INTS6L: variants seen among roughly 807,000 people sequenced by gnomAD.
The protein encoded by INTS6L is integrator complex subunit 6-like.
INTS6L carries 18 observed loss-of-function variants against 64.7 expected under a neutral mutation model. That is an observed-to-expected ratio of 0.28 (90% CI 0.19 to 0.41). INTS6L has a LOEUF of 0.41. Ranked by LOEUF, INTS6L falls within the 10% of genes least tolerant of loss-of-function variation. The pLI, the probability that INTS6L is intolerant of heterozygous loss-of-function variation, is 1.00. For missense variants in INTS6L, 533 were observed against 661.0 expected, an observed-to-expected ratio of 0.81 and a Z score of 2.12; for synonymous variants, 227 against 235.9, an observed-to-expected ratio of 0.96 and a Z score of 0.34.
intron 9 of INTS6L, among the ~76,000 whole-genome samples, chrX:135,565,434 C>T (rs1333327308): frequency 9.0e-6 from 1 of 111,670 alleles, no homozygotes; most frequent in Non-Finnish European, 1.9e-5. Flanking sequence ...GGTGCCCTTC[C>T]CCAAACTCCT....
At position 135,549,715 on chromosome X, in the gene INTS6L, T is replaced by C. The variant is rs371714792; in HGVS notation, c.816T>C (p.Ile272=). ...CATGGCATAGTTGTCATAAACTCATTTATGTACGACCTAACTCTAAAACTG... is the reference window on the plus strand; with the variant it reads ...CATGGCATAGTTGTCATAAACTCATCTATGTACGACCTAACTCTAAAACTG... The part of the protein sequence containing the change: ...AQPWHSCHKL[I]YVRPNSKTGV... Residue 272 remains isoleucine (I), a synonymous_variant, in exon 7 of 18, where the codon ATT becomes ATC. Transcript: ENST00000639893. 9 of 1,210,651 alleles carry C rather than the reference T, an allele frequency of 7.4e-6. No homozygotes were observed. In the East Asian group the frequency reaches 8.9e-5, roughly 12 times the overall value.
chrX:135,530,254 G>T (rs1240871402), intron 2 of INTS6L, among the ~76,000 whole-genome samples: 1 of 111,955 alleles, frequency 8.9e-6, no homozygotes, highest in Non-Finnish European at 1.9e-5. Context: ...GAGTATTGTG[G>T]TGCATATGTT....
intron 8 of INTS6L, among the ~76,000 whole-genome samples, chrX:135,552,686 T>C (rs1164175950): frequency 1.8e-5 from 2 of 112,540 alleles, no homozygotes; most frequent in Non-Finnish European, 3.8e-5. Flanking sequence ...ATATCTATCA[T>C]ACACTGGCTC....
intron 2 of INTS6L, among the ~76,000 whole-genome samples, chrX:135,528,591 A>G (rs1453617699): frequency 8.9e-6 from 1 of 111,786 alleles, no homozygotes; most frequent in East Asian, 2.8e-4. Context: ...GTTATTGAGC[A>G]CTTGAAAGGT....
In INTS6L at chrX:135,576,107, A is replaced by G. The variant is rs562666233; in HGVS notation, c.1884+881A>G. ...ACTGGGAGGCCGAGGCAGGCAAATC[A>G]CTTGAGGTTGGGAGTTTGAGACCAG... On this transcript the variant is annotated intron_variant, in intron 14 of 17. Coordinates refer to ENST00000639893, the MANE Select transcript of INTS6L (RefSeq NM_001351601.3). 8.1e-4 allele frequency among the ~76,000 whole-genome samples: 90 copies of G among 111,360 alleles called. No individual in the cohort carries two copies. In the South Asian group the frequency reaches 0.018, roughly 22 times the overall value.
intron 12 of INTS6L, 115 bp from the exon 13 acceptor site, chrX:135,573,824 G>A (rs1395340725): frequency 3.5e-6 from 3 of 851,105 alleles, no homozygotes; most frequent in East Asian, 3.7e-5. Flanking sequence ...AAATTCTACT[G>A]TAGTCAGTTG....
chrX:135,563,307 C>A (rs1276203960), intron 9 of INTS6L, among the ~76,000 whole-genome samples: 6 of 110,514 alleles, frequency 5.4e-5, no homozygotes, highest in African/African-American at 2.0e-4. Flanking sequence ...ATTTTATGTA[C>A]AATTAGAAAT....
At chrX:135,574,612 A>C (rs1345957478) in intron 13 of INTS6L, among the ~76,000 whole-genome samples, 1 of 112,406 alleles carries the variant, frequency 8.9e-6, no homozygotes, top group African/African-American at 3.2e-5. Flanking sequence ...AAATGAGCAA[A>C]TCTTATTCTG....
intron 6 of INTS6L, among the ~76,000 whole-genome samples, chrX:135,548,826 A>G (rs984549269): frequency 8.9e-6 from 1 of 112,416 alleles, no homozygotes; most frequent in Non-Finnish European, 1.9e-5. Context: ...TCATTAAAGC[A>G]TATCTTTTAC....
At chrX:135,550,684 CTTTTAGGCT>C (rs2086479805) in intron 7 of INTS6L, among the ~76,000 whole-genome samples, 1 of 111,636 alleles carries the variant, frequency 9.0e-6, no homozygotes, top group Non-Finnish European at 1.9e-5. Context: ...TGGATTACTG[CTTTTAGGCT>C]TCTGCCCTTT....
rs782040426 is a variant in INTS6L at position 135,545,493 on chromosome X, C to T, written c.260C>T (p.Thr87Ile). The T allele has an allele frequency of 1.7e-6, 2 of 1,210,525 alleles. No homozygotes were observed. The highest frequency in any genetic ancestry group is 2.2e-6 in the Non-Finnish European group (2 of 894,944). ...AATCTTCAGGCTTCTGGACTGACTA[C>T]TCTCGGTCAGGCTCTAAGATCCTCA... Reference protein sequence around the residue: ...LKNLQASGLTTLGQALRSSFD... With the variant: ...LKNLQASGLTILGQALRSSFD... The change falls in exon 3 of 18, where the codon ACT becomes ATT. Residue 87 changes from threonine to isoleucine, a missense_variant. Thr to Ile is a moderately conservative substitution (Grantham distance 89, BLOSUM62 -1). Coordinates refer to ENST00000639893, the MANE Select transcript of INTS6L (RefSeq NM_001351601.3).
chrX:135,572,778 A>C (rs782685748), intron 11 of INTS6L, 37 bp from the exon 12 acceptor site: 1 of 1,102,971 alleles, frequency 9.1e-7, no homozygotes, highest in South Asian at 2.0e-5. Context: ...GTGGTAATGT[A>C]GATGTTTTTA....
intron 7 of INTS6L, among the ~76,000 whole-genome samples, chrX:135,551,063 C>G (rs1191133852): frequency 8.9e-6 from 1 of 112,262 alleles, no homozygotes; most frequent in Admixed American, 9.4e-5. Flanking sequence ...CATTTAAGAG[C>G]TATTTTTCTC....
intron 2 of INTS6L, among the ~76,000 whole-genome samples, chrX:135,531,373 C>T (rs1226213473): frequency 8.9e-6 from 1 of 112,417 alleles, no homozygotes; most frequent in East Asian, 2.8e-4. Flanking sequence ...CAGCTTCTCA[C>T]TCAGGCATCT....
Position 135,569,445 on chromosome X carries a change from T to C in INTS6L, c.1287+14T>C. On this transcript the variant is annotated intron_variant, in intron 10 of 17. Coordinates refer to ENST00000639893, the MANE Select transcript of INTS6L (RefSeq NM_001351601.3). The stretch of plus-strand genomic sequence containing the variant: ...TACTACCTATTAGTATGTATTTGTG[T>C]GTATATATGTATTAACTGTATCAAT... The C allele has an allele frequency of 1.0e-6, 1 of 981,294 alleles. No homozygotes were observed. Among genetic ancestry groups the C allele is most frequent in the East Asian group, 3.4e-5 (1 of 29,576 alleles). The allele number at this position is 981,294 out of a possible 1,213,427, so 80.9% of individuals were successfully genotyped here. A position where few individuals can be genotyped will look rare whatever the true frequency, so the allele number is the denominator to read the frequency against.
At chrX:135,536,663 T>TA (rs1167239332) in intron 2 of INTS6L, among the ~76,000 whole-genome samples, 3 of 110,667 alleles carry the variant, frequency 2.7e-5, no homozygotes, top group Non-Finnish European at 3.8e-5. Flanking sequence ...CTTCTCTATT[T>TA]AAAAAAAATA....
chrX:135,556,157 G>A lies in INTS6L; in HGVS notation c.1060-11G>A, dbSNP rs2086643990. 8.6e-7 allele frequency: 1 copy of A among 1,166,760 alleles called. No individual in the cohort carries two copies. Among genetic ancestry groups the A allele is most frequent in the Non-Finnish European group, 1.1e-6 (1 of 876,581 alleles). Reference sequence around the variant, plus strand: ...TTGTCATCACTGTGCATTACTTCATGTTATTCTCAGGTATTTGTTACTAGC... The same window carrying A: ...TTGTCATCACTGTGCATTACTTCATATTATTCTCAGGTATTTGTTACTAGC... On this transcript the variant is annotated splice_polypyrimidine_tract_variant and intron_variant, in intron 8 of 17. Transcript: ENST00000639893.
intron 2 of INTS6L, among the ~76,000 whole-genome samples, chrX:135,539,411 T>A (rs1197900616): frequency 8.9e-6 from 1 of 112,112 alleles, no homozygotes; most frequent in Non-Finnish European, 1.9e-5. Flanking sequence ...TTCCATCAAC[T>A]CTAGGAAGAG....
intron 9 of INTS6L, among the ~76,000 whole-genome samples, chrX:135,562,464 A>AT (rs1556522723): frequency 1.8e-5 from 2 of 112,094 alleles, no homozygotes; most frequent in Non-Finnish European, 3.8e-5. Flanking sequence ...CTTGAGAATA[A>AT]TGTATGGTCT....
Sources: gnomAD v4.1 joint callset for allele counts (sites outside exome capture counted in the v4.1 genomes callset) on GRCh38, gnomAD v4.1.1 for gene constraint, MANE v1.5 for transcripts, NCBI Gene and HGNC (gene_info 2026-07-23, HGNC 2026-07-21) for gene names.